The following DENND1B variants were observed in gnomAD, a reference collection of about 807,000 sequenced individuals.
The protein encoded by DENND1B is DENN domain containing 1B, also known as DENN domain-containing protein 1B.
A neutral mutation model predicts 90.1 loss-of-function variants in DENND1B; 59 were observed. That is an observed-to-expected ratio of 0.65 (90% CI 0.53 to 0.81). DENND1B has a LOEUF of 0.81. Ranked by LOEUF, DENND1B falls within the 40% of genes least tolerant of loss-of-function variation. The pLI is 0.00. For synonymous variants in DENND1B, 337 were observed against 324.6 expected, an observed-to-expected ratio of 1.04 and a Z score of -0.41; for missense variants, 862 against 912.6, an observed-to-expected ratio of 0.94 and a Z score of 0.71.
chr1:197,604,884 T>G (rs1321654755), intron 13 of DENND1B, among the ~76,000 whole-genome samples: 2 of 151,084 alleles, frequency 1.3e-5, no homozygotes, highest in Non-Finnish European at 1.5e-5. Flanking sequence ...TTGTAAGAGA[T>G]AACTTTAGAA....
chr1:197,558,644 T>C (rs1352607973), intron 15 of DENND1B, among the ~76,000 whole-genome samples: 2 of 151,838 alleles, frequency 1.3e-5, no homozygotes, highest in Non-Finnish European at 2.9e-5. Context: ...GTTTGCAGGT[T>C]TCCTTTCAAC....
At position 197,652,398 on chromosome 1, in the gene DENND1B, C is replaced by T. The variant is rs1273493923; in HGVS notation, c.367-83G>A. 1.3e-5 allele frequency: 14 copies of T among 1,058,594 alleles called. No homozygotes were observed. The East Asian group carries it at 2.8e-4, about 21-fold the overall frequency. 65.6% of individuals were successfully genotyped at this position (1,058,594 alleles called of 1,614,324 possible). ...TAAAACTATTTGATAAAATAATCTA[C>T]TATGGCTTTTCATATTAGACATATT... On this transcript the variant is annotated intron_variant, in intron 6 of 22. Coordinates refer to ENST00000620048, the MANE Select transcript of DENND1B (RefSeq NM_001195215.2).
chr1:197,538,091 A>C (rs1670047580), intron 20 of DENND1B, among the ~76,000 whole-genome samples: 1 of 152,136 alleles, frequency 6.6e-6, no homozygotes, highest in Non-Finnish European at 1.5e-5. Flanking sequence ...TTTGAAACTG[A>C]TATTTAGGAA....
At chr1:197,770,079 G>T (rs543358667) in intron 2 of DENND1B, among the ~76,000 whole-genome samples, 1 of 152,046 alleles carries the variant, frequency 6.6e-6, no homozygotes, top group African/African-American at 2.4e-5. Flanking sequence ...TAAAATATTA[G>T]CCATATTCAT....
intron 2 of DENND1B, chr1:197,747,049 C>T: frequency 1.3e-6 from 1 of 796,506 alleles, no homozygotes; most frequent in Admixed American, 1.7e-5. Flanking sequence ...ATCATTGACT[C>T]CAAAATACTG....
At chr1:197,778,574 G>A (rs1312052080), upstream of DENND1B, among the ~76,000 whole-genome samples, 1 of 151,982 alleles carries the variant, frequency 6.6e-6, no homozygotes, top group East Asian at 1.9e-4. Context: ...ATAATAAGGA[G>A]GCTGAGGCTT....
intron 2 of DENND1B, among the ~76,000 whole-genome samples, chr1:197,732,889 C>T (rs138591630): frequency 5.9e-4 from 90 of 152,296 alleles, no homozygotes; most frequent in Non-Finnish European, 1.1e-3. Context: ...AAGATGCAAC[C>T]ATCTCCTCCA....
chr1:197,662,347 A>G (rs1477618042), intron 5 of DENND1B, among the ~76,000 whole-genome samples: 1 of 152,082 alleles, frequency 6.6e-6, no homozygotes, highest in East Asian at 1.9e-4. Flanking sequence ...TATATGAATG[A>G]CAGTACATTG....
intron 3 of DENND1B, among the ~76,000 whole-genome samples, chr1:197,679,465 T>C (rs956343151): frequency 1.3e-5 from 2 of 151,758 alleles, no homozygotes; most frequent in African/African-American, 4.8e-5. Flanking sequence ...ATCTAAAATA[T>C]ATGGCAGGAT....
chr1:197,753,832 C>T (rs1003086042), intron 2 of DENND1B, among the ~76,000 whole-genome samples: 3 of 151,800 alleles, frequency 2.0e-5, no homozygotes, highest in African/African-American at 7.3e-5. Context: ...GAAATCCCGT[C>T]TCTACTAAAA....
upstream of DENND1B, among the ~76,000 whole-genome samples, chr1:197,777,435 T>A (rs12081207): frequency 1.3e-5 from 2 of 151,932 alleles, no homozygotes; most frequent in Admixed American, 6.5e-5. Flanking sequence ...AATGAAGAGA[T>A]TTATCTGTTC....
chr1:197,668,539 G>A (rs1013361874), intron 5 of DENND1B, among the ~76,000 whole-genome samples: 1 of 150,224 alleles, frequency 6.7e-6, no homozygotes, highest in East Asian at 2.0e-4. Flanking sequence ...TACTTATTGC[G>A]TATACTTTCT....
chr1:197,519,197 TATTA>T (rs1177093442), intron 20 of DENND1B, among the ~76,000 whole-genome samples: 1 of 151,966 alleles, frequency 6.6e-6, no homozygotes, highest in Non-Finnish European at 1.5e-5. Flanking sequence ...GGGGTTTCCA[TATTA>T]ATTAATGAGC....
At chr1:197,592,038 G>A (rs1487547154) in intron 14 of DENND1B, among the ~76,000 whole-genome samples, 1 of 147,518 alleles carries the variant, frequency 6.8e-6, no homozygotes, top group Admixed American at 6.9e-5. Context: ...GAACCCGGGA[G>A]GTGGAGCTTG....
intron 5 of DENND1B, among the ~76,000 whole-genome samples, chr1:197,663,141 G>A (rs1299209408): frequency 6.6e-6 from 1 of 152,026 alleles, no homozygotes; most frequent in Non-Finnish European, 1.5e-5. Context: ...ACTCATAATT[G>A]TATCATCTAA....
intron 3 of DENND1B, among the ~76,000 whole-genome samples, chr1:197,713,777 A>ATAATAT (rs1249513076): frequency 8.2e-4 from 15 of 18,342 alleles, no homozygotes; most frequent in African/African-American, 6.3e-3. Context: ...TTATATTATT[A>ATAATAT]TATTATATTA....
At chr1:197,546,850 G>A in intron 16 of DENND1B, 77 bp from the exon 17 acceptor site, 1 of 1,351,934 alleles carries the variant, frequency 7.4e-7, no homozygotes, top group Non-Finnish European at 1.0e-6. Flanking sequence ...TCAAGAACTA[G>A]TATTTGCACA....
chr1:197,546,039 A>T (rs1244207357), intron 17 of DENND1B, 49 bp from the exon 18 acceptor site: 1 of 1,496,242 alleles, frequency 6.7e-7, no homozygotes, highest in African/African-American at 1.4e-5. Flanking sequence ...TAGCTAAAAT[A>T]TCCTGAAAAC....
chr1:197,604,997 A>G (rs1004883895), intron 13 of DENND1B, among the ~76,000 whole-genome samples: 6 of 151,140 alleles, frequency 4.0e-5, no homozygotes, highest in Admixed American at 2.0e-4. Flanking sequence ...CTTTCAGTAA[A>G]TGGTCCTAGC....
Sources: allele counts gnomAD v4.1 joint callset (sites outside exome capture counted in the v4.1 genomes callset), GRCh38; gene constraint gnomAD v4.1.1; transcripts MANE v1.5; gene names NCBI Gene and HGNC (gene_info 2026-07-23, HGNC 2026-07-21).